KIFAP3: variants seen among roughly 807,000 people sequenced by gnomAD.
The protein encoded by KIFAP3 is kinesin associated protein 3, also known as kinesin-associated protein 3.
KIFAP3 carries 68 observed loss-of-function variants against 106.5 expected under a neutral mutation model. The observed-to-expected ratio is 0.64, with a 90% CI of 0.53 to 0.78. The LOEUF is 0.78. Among genes scored for constraint, KIFAP3 ranks in the 30% least tolerant of loss-of-function variants. The pLI, the probability that KIFAP3 is intolerant of heterozygous loss-of-function variation, is 0.00. For missense variants in KIFAP3, 780 were observed against 941.8 expected (o/e 0.83, Z 2.25); for synonymous variants, 320 against 311.5 (o/e 1.03, Z -0.29).
chr1:169,931,170 T>A (rs1281998355), intron 19 of KIFAP3, among the ~76,000 whole-genome samples: 1 of 152,180 alleles, frequency 6.6e-6, no homozygotes, highest in Non-Finnish European at 1.5e-5. Flanking sequence ...TCCGCCTGCC[T>A]CAGCCTCCCA....
chr1:169,960,144 AT>A (rs1240059818), intron 18 of KIFAP3, among the ~76,000 whole-genome samples: 1 of 152,150 alleles, frequency 6.6e-6, no homozygotes, highest in African/African-American at 2.4e-5. Context: ...AATTTACATA[AT>A]CATCCAATCA....
rs570512525 is a variant in KIFAP3, at chr1:170,049,780, GCAA to G, written c.165-2917_165-2915del. Reference sequence around the variant, plus strand: ...TGATACAAAAACTAACACACAGAGAGCAACAACAACAACATCAACAAAAAACAC... The same window carrying G: ...TGATACAAAAACTAACACACAGAGAGCAACAACAACATCAACAAAAAACAC... On this transcript the variant is annotated intron_variant, in intron 2 of 19. Coordinates refer to ENST00000361580, the MANE Select transcript of KIFAP3 (RefSeq NM_014970.4). Among the ~76,000 whole-genome samples the G allele has an allele frequency of 2.7e-3, 409 of 150,522 alleles. 5 individuals carry two copies. The highest frequency in any genetic ancestry group is 9.5e-3 in the African/African-American group (388 of 40,916).
At chr1:169,932,119 T>A (rs1221639939) in intron 19 of KIFAP3, among the ~76,000 whole-genome samples, 1 of 152,152 alleles carries the variant, frequency 6.6e-6, no homozygotes, top group Non-Finnish European at 1.5e-5. Context: ...ACCTCTTGGA[T>A]TACTCAGGCT....
rs1666592380 is a variant in KIFAP3 at position 169,982,714 on chromosome 1, T to C, written c.1660A>G (p.Lys554Glu). ...EYKLVPYLKD[K>E]LKPGAAEDDL... The stretch of plus-strand genomic sequence containing the variant: ...ACTTAGCACAAACCTGGTTTTAGTT[T>C]ATCCTTGAGGTATGGAACCAACTTA... Residue 554 changes from lysine (K) to glutamate (E), a missense_variant, in exon 14 of 20, where the codon AAA becomes GAA. By Grantham distance (56) the Lys-to-Glu change is moderately conservative (BLOSUM62 1). Transcript: ENST00000361580. 6.3e-7 allele frequency: 1 copy of C among 1,587,838 alleles called. No homozygotes were observed. The highest frequency in any genetic ancestry group is 2.3e-5 in the East Asian group (1 of 44,096).
At chr1:169,955,463 A>G (rs1012549364) in intron 18 of KIFAP3, among the ~76,000 whole-genome samples, 4 of 152,298 alleles carry the variant, frequency 2.6e-5, no homozygotes, top group Non-Finnish European at 4.4e-5. Flanking sequence ...AGAAAATTCT[A>G]CTTTGAGTGG....
chr1:170,058,687 A>T (rs564631888), intron 1 of KIFAP3, among the ~76,000 whole-genome samples: 53 of 151,602 alleles, frequency 3.5e-4, no homozygotes, highest in African/African-American at 1.3e-3. Context: ...CCTCCATAAC[A>T]TTTTTTTTTA....
chr1:169,976,170 C>T (rs1443406634), intron 16 of KIFAP3, among the ~76,000 whole-genome samples: 2 of 152,022 alleles, frequency 1.3e-5, no homozygotes, highest in Non-Finnish European at 2.9e-5. Context: ...CTTTTTAGTC[C>T]TCACAAAAAA....
chr1:169,972,093 C>G (rs1291025887), intron 17 of KIFAP3, among the ~76,000 whole-genome samples: 1 of 151,630 alleles, frequency 6.6e-6, no homozygotes, highest in African/African-American at 2.4e-5. Context: ...ACTTAAAGGA[C>G]AACTGTATGT....
At chr1:169,924,022 C>T (rs888616676) in intron 19 of KIFAP3, among the ~76,000 whole-genome samples, 1 of 151,992 alleles carries the variant, frequency 6.6e-6, no homozygotes, top group Non-Finnish European at 1.5e-5. Flanking sequence ...AATAGGCAAA[C>T]TATTGATCAC....
rs369149704 is a variant in KIFAP3 at position 170,000,184 on chromosome 1, C to T, written c.1184-7929G>A. On this transcript the variant is annotated intron_variant, in intron 10 of 19. Coordinates refer to ENST00000361580, the MANE Select transcript of KIFAP3 (RefSeq NM_014970.4). ...CATGAGAACTCAAAAGCCAAATTTC[C>T]GCTTCTGCAGTAGATCCAGCCCAAC... Among the ~76,000 whole-genome samples, 46 of 152,136 alleles carry T rather than the reference C, an allele frequency of 3.0e-4. 1 individual carries two copies. Among genetic ancestry groups the T allele is most frequent in the East Asian group, 1.7e-3 (9 of 5,174 alleles).
chr1:169,947,354 T>C (rs1664492394), intron 19 of KIFAP3, among the ~76,000 whole-genome samples: 1 of 151,928 alleles, frequency 6.6e-6, no homozygotes, highest in Admixed American at 6.5e-5. Flanking sequence ...CACTGTATTA[T>C]TATCCAACCT....
chr1:169,958,964 T>C (rs1181398641), intron 18 of KIFAP3, among the ~76,000 whole-genome samples: 3 of 152,190 alleles, frequency 2.0e-5, no homozygotes, highest in African/African-American at 7.2e-5. Context: ...ATTTGACTAT[T>C]AAATCGTCTG....
intron 9 of KIFAP3, among the ~76,000 whole-genome samples, chr1:170,020,691 ATGCAAAGGCAATTTCAATAAGG>A (rs373745137): frequency 0.095 from 14,360 of 151,924 alleles, 696 homozygotes; most frequent in South Asian, 0.13. Flanking sequence ...CTCGTGATCC[ATGCAAAGGCAATTTCAATAAGG>A]TGCAAAGGCA....
At chr1:170,074,816 T>G, upstream of KIFAP3, 1 of 1,134,090 alleles carries the variant, frequency 8.8e-7, no homozygotes, top group Non-Finnish European at 1.1e-6. Context: ...TTTGGTGCAG[T>G]TTTGAGCGTC....
At chr1:170,006,261 C>G (rs780856413) in intron 10 of KIFAP3, among the ~76,000 whole-genome samples, 1 of 152,146 alleles carries the variant, frequency 6.6e-6, no homozygotes, top group Non-Finnish European at 1.5e-5. Context: ...TTCATGCATT[C>G]ATCCCTCTAA....
intron 10 of KIFAP3, among the ~76,000 whole-genome samples, chr1:169,992,898 C>A (rs1300613306): frequency 2.6e-5 from 4 of 152,000 alleles, no homozygotes; most frequent in Non-Finnish European, 4.4e-5. Context: ...TTTAATCCTA[C>A]CTGCTTTCAG....
At chr1:170,000,668 G>T (rs1006920505) in intron 10 of KIFAP3, among the ~76,000 whole-genome samples, 3 of 152,034 alleles carry the variant, frequency 2.0e-5, no homozygotes, top group African/African-American at 7.2e-5. Context: ...AGCATATACT[G>T]CAGATATATA....
At chr1:169,990,453 A>G (rs543863826) in intron 11 of KIFAP3, among the ~76,000 whole-genome samples, 43 of 152,162 alleles carry the variant, frequency 2.8e-4, no homozygotes, top group African/African-American at 1.0e-3. Flanking sequence ...AATTTTGCTC[A>G]TATTTCAAAA....
intron 10 of KIFAP3, among the ~76,000 whole-genome samples, chr1:170,003,384 T>C (rs1396063044): frequency 6.6e-6 from 1 of 152,186 alleles, no homozygotes; most frequent in African/African-American, 2.4e-5. Flanking sequence ...ATTTCAATGT[T>C]TAAAACAAAC....
Sources: allele counts gnomAD v4.1 joint callset (sites outside exome capture counted in the v4.1 genomes callset), GRCh38; gene constraint gnomAD v4.1.1; transcripts MANE v1.5; gene names NCBI Gene and HGNC (gene_info 2026-07-23, HGNC 2026-07-21).